The following STK32B variants were observed in gnomAD, a reference collection of about 807,000 sequenced individuals.
STK32B encodes serine/threonine-protein kinase 32B.
Under a neutral mutation model 52.6 loss-of-function variants are expected in STK32B, and 43 were observed. The observed-to-expected ratio is 0.82, with a 90% CI of 0.64 to 1.05. The LOEUF is 1.05. STK32B is among the 50% of genes least tolerant of loss of function. The probability of loss-of-function intolerance (pLI) is 0.00; values close to 1 mark genes in which losing one functional copy is unlikely to be tolerated. For missense variants in STK32B, 621 were observed against 534.6 expected (o/e 1.16, Z -1.59); for synonymous variants, 238 against 204.3 (o/e 1.17, Z -1.41).
intron 11 of STK32B, among the ~76,000 whole-genome samples, chr4:5,471,216 C>G (rs1046683096): frequency 6.6e-6 from 1 of 152,146 alleles, no homozygotes; most frequent in Non-Finnish European, 1.5e-5. Flanking sequence ...AAAGATATGT[C>G]GAAGCCCTAA....
At chr4:5,083,211 C>T (rs1401389710) in intron 1 of STK32B, among the ~76,000 whole-genome samples, 1 of 151,958 alleles carries the variant, frequency 6.6e-6, no homozygotes, top group African/African-American at 2.4e-5. Flanking sequence ...TTGGATAGAC[C>T]TTGGGATGAC....
Position 5,317,224 on chromosome 4 carries a change from T to TTA in STK32B, c.261-13989_261-13988dup, listed in dbSNP as rs1240979170. ...ATATTATATATATAACATATATATA[T>TTA]TATATATAACATATATATATTATAT... On this transcript the variant is annotated intron_variant, in intron 3 of 11. Transcript: ENST00000282908. Among the ~76,000 whole-genome samples the TTA allele has an allele frequency of 1.2e-3, 46 of 38,666 alleles. 3 individuals are homozygous for TTA. The highest frequency in any genetic ancestry group is 7.5e-3 in the African/African-American group (22 of 2,920). The allele number at this position is 38,666 out of a possible 152,430, so 25.4% of individuals were successfully genotyped here.
In STK32B at chr4:5,059,052, C is replaced by CTTTTTTTTTTTTTTTT. The variant is rs3072775; in HGVS notation, c.52+7151_52+7166dup. Among the ~76,000 whole-genome samples, 226 of 86,908 alleles carry CTTTTTTTTTTTTTTTT rather than the reference C, an allele frequency of 2.6e-3. 49 individuals carry two copies. The highest frequency in any genetic ancestry group is 5.8e-3 in the East Asian group (15 of 2,584). 57.0% of individuals were successfully genotyped at this position (86,908 alleles called of 152,430 possible). A position where few individuals can be genotyped will look rare whatever the true frequency, so the allele number is the denominator to read the frequency against. On this transcript the variant is annotated intron_variant, in intron 1 of 11. Transcript: ENST00000282908. ...AGGCGTGAGCCACCACGCCCAGCTG[C>CTTTTTTTTTTTTTTTT]TTTTTTTTTTTTTTTTTTTTTTTTT...
chr4:5,167,991 C>T (rs551710982), intron 2 of STK32B, among the ~76,000 whole-genome samples: 3 of 152,324 alleles, frequency 2.0e-5, no homozygotes, highest in African/African-American at 4.8e-5. Flanking sequence ...ATCTATTTTC[C>T]TCGTGGGCTG....
At chr4:5,492,948 C>A (rs1719874301) in intron 11 of STK32B, among the ~76,000 whole-genome samples, 1 of 151,016 alleles carries the variant, frequency 6.6e-6, no homozygotes, top group African/African-American at 2.5e-5. Context: ...GGTGGATAAG[C>A]TTTTTGATGT....
chr4:5,159,507 TATATATATGAATATATG>T lies in STK32B; in HGVS notation c.109-8782_109-8766del, dbSNP rs1342156444. 6.9e-5 allele frequency among the ~76,000 whole-genome samples: 10 copies of T among 143,986 alleles called. No individual in the cohort carries two copies. In the East Asian group the frequency reaches 2.0e-3, roughly 28 times the overall value. The allele number at this position is 143,986 out of a possible 152,430, so 94.5% of individuals were successfully genotyped here. A position where few individuals can be genotyped will look rare whatever the true frequency, so the allele number is the denominator to read the frequency against. ...GAATACATATGAATATATATATGAA[TATATATATGAATATATG>T]ATATATATGTATATATGTATATATA... On this transcript the variant is annotated intron_variant, in intron 2 of 11. Coordinates refer to ENST00000282908, the MANE Select transcript of STK32B (RefSeq NM_018401.3).
At chr4:5,333,640 A>T (rs984195180) in intron 4 of STK32B, among the ~76,000 whole-genome samples, 16 of 152,180 alleles carry the variant, frequency 1.1e-4, no homozygotes, top group Admixed American at 2.0e-4. Flanking sequence ...ATCCTTTTTG[A>T]ATTAATTTTT....
intron 3 of STK32B, among the ~76,000 whole-genome samples, chr4:5,196,989 A>C (rs538012997): frequency 6.6e-6 from 1 of 152,146 alleles, no homozygotes. Context: ...TCAGGTATCC[A>C]GCCTGCCAGG....
At chr4:5,313,645 G>A (rs2108915002) in intron 3 of STK32B, among the ~76,000 whole-genome samples, 1 of 152,182 alleles carries the variant, frequency 6.6e-6, no homozygotes, top group South Asian at 2.1e-4. Flanking sequence ...GAACTAAGAA[G>A]TACATATGTG....
chr4:5,127,368 A>G (rs540898793), intron 1 of STK32B, among the ~76,000 whole-genome samples: 1 of 152,300 alleles, frequency 6.6e-6, no homozygotes, highest in African/African-American at 2.4e-5. Flanking sequence ...TGCAGAGGGC[A>G]GAGGGAAGAG....
intron 3 of STK32B, among the ~76,000 whole-genome samples, chr4:5,263,320 T>C (rs1487250620): frequency 7.0e-6 from 1 of 142,172 alleles, no homozygotes; most frequent in Admixed American, 6.9e-5. Context: ...TGGTTTTCAC[T>C]GGGCCAGTGG....
At chr4:5,412,540 G>C (rs562231999) in intron 5 of STK32B, among the ~76,000 whole-genome samples, 3 of 152,162 alleles carry the variant, frequency 2.0e-5, no homozygotes, top group Non-Finnish European at 4.4e-5. Context: ...GATCAGGACT[G>C]TTTGACCCAG....
intron 2 of STK32B, among the ~76,000 whole-genome samples, chr4:5,162,438 G>A (rs935066664): frequency 1.2e-4 from 18 of 152,180 alleles, no homozygotes; most frequent in Non-Finnish European, 2.4e-4. Context: ...CCGCGTGCAG[G>A]TGTGTTGCAG....
chr4:5,243,906 G>T (rs899875418), intron 3 of STK32B, among the ~76,000 whole-genome samples: 1 of 152,140 alleles, frequency 6.6e-6, no homozygotes, highest in Non-Finnish European at 1.5e-5. Flanking sequence ...TGTTGAACTG[G>T]CCTTGCATCC....
rs1457223826 is a variant in STK32B at position 5,407,104 on chromosome 4, TTAGAAATTTCTTTTA to T, written c.472+8861_472+8875del. Among the ~76,000 whole-genome samples the T allele has an allele frequency of 1.2e-4, 18 of 152,252 alleles. No individual in the cohort carries two copies. The East Asian group carries it at 1.3e-3, about 11-fold the overall frequency. Reference sequence around the variant, plus strand: ...AGCCACATCTTGAACATTTTGCTGCTTAGAAATTTCTTTTACCAGATGCCATAAATCATCACTCTC... The same window carrying T: ...AGCCACATCTTGAACATTTTGCTGCTCCAGATGCCATAAATCATCACTCTC... On this transcript the variant is annotated intron_variant, in intron 5 of 11. Coordinates refer to ENST00000282908, the MANE Select transcript of STK32B (RefSeq NM_018401.3).
chr4:5,307,658 G>A (rs984648958), intron 3 of STK32B, among the ~76,000 whole-genome samples: 1 of 151,110 alleles, frequency 6.6e-6, no homozygotes, highest in Non-Finnish European at 1.5e-5. Context: ...ATCTATTGCT[G>A]GTTAGCTAGT....
At chr4:5,170,242 T>C (rs1719251599) in intron 3 of STK32B, among the ~76,000 whole-genome samples, 1 of 152,208 alleles carries the variant, frequency 6.6e-6, no homozygotes, top group South Asian at 2.1e-4. Context: ...GGAGCTTGTA[T>C]GATGTATGTT....
chr4:5,317,202 T>TAA (rs545701971), intron 3 of STK32B, among the ~76,000 whole-genome samples: 1 of 45,186 alleles, frequency 2.2e-5, no homozygotes, highest in African/African-American at 1.7e-4. Context: ...CATATATATA[T>TAA]TATATATATA....
At chr4:5,408,656 A>C (rs1302451499) in intron 5 of STK32B, among the ~76,000 whole-genome samples, 1 of 152,152 alleles carries the variant, frequency 6.6e-6, no homozygotes, top group Non-Finnish European at 1.5e-5. Context: ...ACTAGGTCCG[A>C]TTCCAGCTCG....
Sources: gnomAD v4.1 joint callset for allele counts (sites outside exome capture counted in the v4.1 genomes callset) on GRCh38, gnomAD v4.1.1 for gene constraint, MANE v1.5 for transcripts, NCBI Gene and HGNC (gene_info 2026-07-23, HGNC 2026-07-21) for gene names.